FBN1: variants seen among roughly 807,000 people sequenced by gnomAD.
FBN1 encodes the protein fibrillin 1.
A neutral mutation model predicts 365.1 loss-of-function variants in FBN1; 29 were observed. The observed-to-expected ratio is 0.08, with a 90% confidence interval of 0.06 to 0.11. The LOEUF is 0.11. FBN1 is among the 10% of genes least tolerant of loss of function. The pLI is 1.00. For synonymous variants in FBN1, 1,210 were observed against 1,270.5 expected, an observed-to-expected ratio of 0.95 and a Z score of 1.01; for missense variants, 2,476 against 3,703.2, an observed-to-expected ratio of 0.67 and a Z score of 8.60.
intron 5 of FBN1, among the ~76,000 whole-genome samples, chr15:48,597,229 T>G (rs1018384108): frequency 2.0e-5 from 3 of 152,214 alleles, no homozygotes; most frequent in African/African-American, 7.2e-5. Context: ...GCCATGAAGT[T>G]GAGCCACTCA....
intron 18 of FBN1, among the ~76,000 whole-genome samples, chr15:48,498,036 C>T (rs2043622456): frequency 6.6e-6 from 1 of 151,928 alleles, no homozygotes; most frequent in African/African-American, 2.4e-5. Flanking sequence ...GTTGCTCTGC[C>T]CACCTGAGGT....
At chr15:48,628,834 A>G (rs1436899196) in intron 2 of FBN1, among the ~76,000 whole-genome samples, 4 of 152,234 alleles carry the variant, frequency 2.6e-5, no homozygotes, top group African/African-American at 7.2e-5. Flanking sequence ...GAATGCTAAT[A>G]ACACAAAAAG....
chr15:48,551,558 G>T (rs1315084903), intron 6 of FBN1, among the ~76,000 whole-genome samples: 1 of 150,808 alleles, frequency 6.6e-6, no homozygotes, highest in African/African-American at 2.4e-5. Flanking sequence ...ACAAGCGCAG[G>T]TTTGTTACAT....
At chr15:48,598,788 T>G (rs2044535506) in intron 5 of FBN1, among the ~76,000 whole-genome samples, 1 of 152,196 alleles carries the variant, frequency 6.6e-6, no homozygotes, top group Non-Finnish European at 1.5e-5. Context: ...CTTCTCCCAC[T>G]GCAGTGTGTG....
chr15:48,529,120 A>C (rs2043943891), intron 8 of FBN1: 1 of 152,258 alleles, frequency 6.6e-6, no homozygotes, highest in African/African-American at 2.4e-5. Context: ...GGCTGTGTCA[A>C]ATGCCAGCCA....
chr15:48,588,399 T>C (rs534075780), intron 6 of FBN1, among the ~76,000 whole-genome samples: 32 of 152,234 alleles, frequency 2.1e-4, no homozygotes, highest in Admixed American at 5.9e-4. Context: ...ACTGTTCTAC[T>C]GTTTGAACAT....
At chr15:48,491,630 C>T (rs2043559259) in intron 24 of FBN1, among the ~76,000 whole-genome samples, 1 of 152,020 alleles carries the variant, frequency 6.6e-6, no homozygotes, top group Admixed American at 6.6e-5. Flanking sequence ...GGATTACAGG[C>T]GTGAGCCATC....
chr15:48,488,901 A>G (rs2043532253), intron 25 of FBN1, among the ~76,000 whole-genome samples: 1 of 152,248 alleles, frequency 6.6e-6, no homozygotes, highest in African/African-American at 2.4e-5. Flanking sequence ...AGAATGAGAT[A>G]TTCACTTAAT....
chr15:48,511,548 G>C (rs1269255779), intron 13 of FBN1, among the ~76,000 whole-genome samples: 1 of 151,900 alleles, frequency 6.6e-6, no homozygotes, highest in Non-Finnish European at 1.5e-5. Context: ...TGCCCTATAA[G>C]ACAAATTTAA....
At chr15:48,478,218 T>C (rs892251475) in intron 32 of FBN1, among the ~76,000 whole-genome samples, 1 of 152,174 alleles carries the variant, frequency 6.6e-6, no homozygotes, top group African/African-American at 2.4e-5. Flanking sequence ...GAGCCAACAC[T>C]ATTAACTGAA....
At chr15:48,420,168 T>C (rs2042929101) in intron 63 of FBN1, among the ~76,000 whole-genome samples, 3 of 151,622 alleles carry the variant, frequency 2.0e-5, no homozygotes, top group Admixed American at 2.0e-4. Context: ...CTCCCTTAAT[T>C]ATCAAAAGAA....
intron 2 of FBN1, among the ~76,000 whole-genome samples, chr15:48,630,297 A>G (rs1457482077): frequency 1.3e-5 from 2 of 152,212 alleles, no homozygotes; most frequent in East Asian, 1.9e-4. Context: ...TCTGTGCATA[A>G]GTGGAAGAAT....
intron 30 of FBN1, 140 bp downstream of exon 30, chr15:48,485,234 T>C (rs2043495077): frequency 1.9e-6 from 2 of 1,041,984 alleles, no homozygotes; most frequent in South Asian, 1.4e-5. Context: ...TAATAATAGG[T>C]ATCTTGATTA....
chr15:48,433,097 G>A, intron 54 of FBN1, 109 bp from the exon 55 acceptor site: 1 of 1,163,486 alleles, frequency 8.6e-7, no homozygotes, highest in Non-Finnish European at 1.3e-6. Flanking sequence ...ATGCTTCATT[G>A]TCATAAACAT....
At chr15:48,456,468 A>ATT (rs201118654) in intron 44 of FBN1, among the ~76,000 whole-genome samples, 169 bp downstream of exon 44, 91 of 146,848 alleles carry the variant, frequency 6.2e-4, no homozygotes, top group African/African-American at 1.9e-3. Context: ...AAGTTAGTGA[A>ATT]TTTTTTTTTT....
chr15:48,567,715 T>C (rs1247509253), intron 6 of FBN1, among the ~76,000 whole-genome samples: 4 of 152,130 alleles, frequency 2.6e-5, no homozygotes, highest in South Asian at 2.1e-4. Context: ...AAAAACCACA[T>C]GATCATCTCA....
At chr15:48,621,991 C>A (rs1321177773) in intron 2 of FBN1, among the ~76,000 whole-genome samples, 1 of 149,630 alleles carries the variant, frequency 6.7e-6, no homozygotes, top group African/African-American at 2.5e-5. Context: ...GAGCGAGACT[C>A]TGTCTCAAAA....
rs1060504143 is a variant in FBN1, at chr15:48,508,658, A to G, written c.1761T>C (p.Cys587=). ...SIRNMCLNGM[C]INEDGSFKCI... is the part of the protein sequence containing the mutation. ...ATTTAAAACTGCCATCTTCATTGAT[A>G]CACATTCCATTAAGGCACATGTTCC... The change falls in exon 15 of 66, where the codon TGT becomes TGC. Residue 587 remains cysteine, a synonymous_variant. Transcript: ENST00000316623. 1.1e-5 allele frequency: 18 copies of G among 1,613,830 alleles called. No individual in the cohort carries two copies. The highest frequency in any genetic ancestry group is 1.5e-5 in the Non-Finnish European group (18 of 1,179,738).
chr15:48,594,915 G>A (rs2044505323), intron 6 of FBN1, among the ~76,000 whole-genome samples: 1 of 152,160 alleles, frequency 6.6e-6, no homozygotes, highest in Non-Finnish European at 1.5e-5. Context: ...GCCACAGAAT[G>A]ATATTGCCTA....
Sources: gnomAD v4.1 joint callset for allele counts (sites outside exome capture counted in the v4.1 genomes callset) on GRCh38, gnomAD v4.1.1 for gene constraint, MANE v1.5 for transcripts, NCBI Gene and HGNC (gene_info 2026-07-23, HGNC 2026-07-21) for gene names.